Variants in NSMCE2 observed in about 807,000 individuals in gnomAD.
NSMCE2 encodes the protein NSE2 SUMO ligase component of SMC5/6 complex, also known as E3 SUMO-protein ligase NSE2.
Under a neutral mutation model 23.8 loss-of-function variants are expected in NSMCE2, and 24 were observed. The observed-to-expected ratio is 1.01, with a 90% CI of 0.73 to 1.42. The LOEUF is 1.42. NSMCE2 is among the 40% of genes most tolerant of loss of function. NSMCE2 has a pLI of 0.00. For missense variants in NSMCE2, 284 were observed against 296.5 expected (o/e 0.96, Z 0.31); for synonymous variants, 92 against 94.1 (o/e 0.98, Z 0.13).
chr8:125,272,031 T>TTTG (rs1827219544), intron 5 of NSMCE2, among the ~76,000 whole-genome samples: 1 of 150,258 alleles, frequency 6.7e-6, no homozygotes, highest in African/African-American at 2.4e-5. Context: ...TTTTTTTTTT[T>TTTG]GAGACGGAGT....
intron 5 of NSMCE2, among the ~76,000 whole-genome samples, chr8:125,329,301 C>G (rs1015900336): frequency 2.6e-5 from 4 of 152,188 alleles, no homozygotes; most frequent in African/African-American, 9.7e-5. Context: ...CAGGTCCTTT[C>G]AATCTGGGGA....
rs370536102 is a variant in NSMCE2, at chr8:125,305,125, G to A, written c.419-52094G>A. Among the ~76,000 whole-genome samples, 11 of 152,134 alleles carry A rather than the reference G, an allele frequency of 7.2e-5. No individual in the cohort carries two copies. In the East Asian group the frequency reaches 2.1e-3, roughly 29 times the overall value. On this transcript the variant is annotated intron_variant, in intron 5 of 7. Transcript: ENST00000287437. ...TTTATGTTTTCCAGCTTCAGAGGTT[G>A]GATAAATGGAGATATTAAATTAACT...
At chr8:125,224,638 T>C (rs1825016392) in intron 5 of NSMCE2, among the ~76,000 whole-genome samples, 1 of 152,234 alleles carries the variant, frequency 6.6e-6, no homozygotes, top group Non-Finnish European at 1.5e-5. Context: ...TTCTGGGCTT[T>C]CTATTCTGTT....
chr8:125,192,534 GA>G (rs1304200412), intron 5 of NSMCE2, among the ~76,000 whole-genome samples: 22 of 148,202 alleles, frequency 1.5e-4, no homozygotes, highest in South Asian at 2.2e-4. Flanking sequence ...AGCAAATAGG[GA>G]AAAAACTGCG....
chr8:125,279,113 T>C (rs1005725536), intron 5 of NSMCE2, among the ~76,000 whole-genome samples: 4 of 152,230 alleles, frequency 2.6e-5, no homozygotes, highest in South Asian at 4.1e-4. Context: ...TAAATACATA[T>C]ATATTTTTCA....
At chr8:125,103,797 ATTG>A (rs1029765818) in intron 3 of NSMCE2, among the ~76,000 whole-genome samples, 1 of 152,082 alleles carries the variant, frequency 6.6e-6, no homozygotes, top group Non-Finnish European at 1.5e-5. Context: ...TGTATTTTTA[ATTG>A]TTGAAGACAT....
chr8:125,335,189 G>A (rs1830029910), intron 5 of NSMCE2, among the ~76,000 whole-genome samples: 1 of 152,152 alleles, frequency 6.6e-6, no homozygotes, highest in Admixed American at 6.5e-5. Flanking sequence ...GCCAAGGGAG[G>A]GGCTGTAATG....
chr8:125,110,454 C>T (rs1354822274), intron 3 of NSMCE2, among the ~76,000 whole-genome samples: 1 of 152,178 alleles, frequency 6.6e-6, no homozygotes, highest in Non-Finnish European at 1.5e-5. Flanking sequence ...GAATTTGTTA[C>T]ATACTTAACT....
intron 3 of NSMCE2, among the ~76,000 whole-genome samples, chr8:125,142,199 A>C (rs1400391344): frequency 6.6e-6 from 1 of 152,190 alleles, no homozygotes; most frequent in Non-Finnish European, 1.5e-5. Flanking sequence ...GGCCCTGTGC[A>C]GATCATTTTA....
chr8:125,093,154 G>A (rs1256136482), intron 1 of NSMCE2, among the ~76,000 whole-genome samples: 3 of 152,168 alleles, frequency 2.0e-5, no homozygotes, highest in East Asian at 1.9e-4. Flanking sequence ...CAGTTCCGGG[G>A]CCTGTTTCCT....
chr8:125,204,307 G>A (rs565673770), intron 5 of NSMCE2, among the ~76,000 whole-genome samples: 1 of 152,302 alleles, frequency 6.6e-6, no homozygotes, highest in South Asian at 2.1e-4. Context: ...TTTGTTGGAG[G>A]TGTTCCCAGA....
chr8:125,207,635 G>A (rs977387656), intron 5 of NSMCE2, among the ~76,000 whole-genome samples: 3 of 152,304 alleles, frequency 2.0e-5, no homozygotes, highest in African/African-American at 4.8e-5. Context: ...ACCCCAAAAC[G>A]TAGTAGCTTA....
intron 5 of NSMCE2, among the ~76,000 whole-genome samples, chr8:125,214,743 T>TA (rs1253545446): frequency 6.6e-6 from 1 of 152,172 alleles, no homozygotes; most frequent in African/African-American, 2.4e-5. Context: ...CCAATATTGA[T>TA]ACACTATTAT....
In NSMCE2 at chr8:125,133,611, C is replaced by T. The variant is rs538821897; in HGVS notation, c.158-17560C>T. ...ACAAAATTAGTGAGGCATGGTGGCTCGCACCTGTAATCCCCCCAGCTACTC... is the reference window on the plus strand; with the variant it reads ...ACAAAATTAGTGAGGCATGGTGGCTTGCACCTGTAATCCCCCCAGCTACTC... On this transcript the variant is annotated intron_variant, in intron 3 of 7. Coordinates refer to ENST00000287437, the MANE Select transcript of NSMCE2 (RefSeq NM_173685.4). 7.9e-5 allele frequency among the ~76,000 whole-genome samples: 12 copies of T among 151,560 alleles called. No homozygotes were observed. In the South Asian group the frequency reaches 1.5e-3, roughly 18 times the overall value.
intron 1 of NSMCE2, among the ~76,000 whole-genome samples, chr8:125,098,150 T>C (rs1818022113): frequency 6.6e-6 from 1 of 152,224 alleles, no homozygotes; most frequent in Admixed American, 6.5e-5. Context: ...CCAGACATAC[T>C]GAATTAGAAA....
At chr8:125,210,187 A>G (rs549631084) in intron 5 of NSMCE2, among the ~76,000 whole-genome samples, 1 of 152,292 alleles carries the variant, frequency 6.6e-6, no homozygotes, top group South Asian at 2.1e-4. Context: ...ACCCACTTCA[A>G]AGGATTGTTG....
chr8:125,226,741 A>C (rs1825113584), intron 5 of NSMCE2, among the ~76,000 whole-genome samples: 1 of 152,198 alleles, frequency 6.6e-6, no homozygotes, highest in African/African-American at 2.4e-5. Flanking sequence ...AGGTAGAAGC[A>C]GGGAAGTAAG....
intron 5 of NSMCE2, among the ~76,000 whole-genome samples, chr8:125,227,460 A>G (rs1825147144): frequency 6.6e-6 from 1 of 152,210 alleles, no homozygotes; most frequent in African/African-American, 2.4e-5. Flanking sequence ...CGAATAACGA[A>G]TCAAATGTTT....
At chr8:125,349,241 G>T (rs1812925991) in intron 5 of NSMCE2, among the ~76,000 whole-genome samples, 1 of 152,156 alleles carries the variant, frequency 6.6e-6, no homozygotes, top group African/African-American at 2.4e-5. Flanking sequence ...TATAACTAAA[G>T]AATTTCAAAC....
Sources: allele counts gnomAD v4.1 joint callset (sites outside exome capture counted in the v4.1 genomes callset), GRCh38; gene constraint gnomAD v4.1.1; transcripts MANE v1.5; gene names NCBI Gene and HGNC (gene_info 2026-07-23, HGNC 2026-07-21).